The following DRC8 variants were observed in gnomAD, a reference collection of about 807,000 sequenced individuals.
The protein encoded by DRC8 is dynein regulatory complex protein 8.
chr1:245,109,818 T>C, the DRC8 span, among the ~76,000 whole-genome samples: 3 of 152,216 alleles, frequency 2.0e-5, no homozygotes, highest in Non-Finnish European at 4.4e-5. Context: ...CACTAACCAC[T>C]GGGCTGAACT....
the DRC8 span, among the ~76,000 whole-genome samples, chr1:245,000,102 A>C: frequency 7.9e-5 from 12 of 152,230 alleles, no homozygotes; most frequent in Non-Finnish European, 1.0e-4. Context: ...TACAGGCGTG[A>C]GCCACCACAC....
the DRC8 span, among the ~76,000 whole-genome samples, chr1:245,011,472 C>T: frequency 6.6e-6 from 1 of 152,236 alleles, no homozygotes; most frequent in East Asian, 1.9e-4. Flanking sequence ...ACAGCAAACA[C>T]CGGACTTTCA....
At chr1:245,055,423 G>A in the DRC8 span, among the ~76,000 whole-genome samples, 3 of 151,958 alleles carry the variant, frequency 2.0e-5, no homozygotes, top group Non-Finnish European at 2.9e-5. Context: ...CGGCTCAACC[G>A]ATCCTGCCAT....
chr1:245,006,650 A>G, the DRC8 span, among the ~76,000 whole-genome samples: 3 of 152,110 alleles, frequency 2.0e-5, no homozygotes, highest in African/African-American at 7.2e-5. Flanking sequence ...TTATAAGTAG[A>G]TGGCCGGGTG....
the DRC8 span, among the ~76,000 whole-genome samples, chr1:245,037,829 G>A: frequency 3.3e-5 from 5 of 151,886 alleles, no homozygotes; most frequent in African/African-American, 9.7e-5. Context: ...AATCAAGAGC[G>A]TTCACCTATA....
the DRC8 span, among the ~76,000 whole-genome samples, chr1:245,110,848 A>G: frequency 1.3e-5 from 2 of 152,208 alleles, no homozygotes; most frequent in Admixed American, 6.5e-5. Context: ...GGGCTTCTGC[A>G]TTGACACCAA....
At chr1:245,011,186 G>A in the DRC8 span, among the ~76,000 whole-genome samples, 5 of 152,100 alleles carry the variant, frequency 3.3e-5, no homozygotes, top group Non-Finnish European at 7.4e-5. Context: ...ATTTGTAGAT[G>A]AAACAAAGTT....
At chr1:244,992,510 G>A in the DRC8 span, among the ~76,000 whole-genome samples, 1 of 152,150 alleles carries the variant, frequency 6.6e-6, no homozygotes, top group African/African-American at 2.4e-5. Flanking sequence ...AGGCTCAGGC[G>A]GGCAGATTAC....
the DRC8 span, among the ~76,000 whole-genome samples, chr1:245,115,079 C>A: frequency 6.6e-6 from 1 of 151,896 alleles, no homozygotes; most frequent in Admixed American, 6.6e-5. Flanking sequence ...GAGACAGGGT[C>A]TCGCTCTGTC....
the DRC8 span, among the ~76,000 whole-genome samples, chr1:245,043,554 C>T: frequency 6.6e-6 from 1 of 151,992 alleles, no homozygotes; most frequent in Non-Finnish European, 1.5e-5. Context: ...GAGGAGTTAG[C>T]GTTTTTTTAA....
the DRC8 span, among the ~76,000 whole-genome samples, chr1:245,040,712 C>T: frequency 3.9e-5 from 6 of 152,192 alleles, no homozygotes; most frequent in East Asian, 3.9e-4. Flanking sequence ...GAGGTTGAGG[C>T]GGGAGGATCG....
the DRC8 span, among the ~76,000 whole-genome samples, chr1:244,995,088 C>T: frequency 1.3e-5 from 2 of 151,958 alleles, no homozygotes; most frequent in East Asian, 1.9e-4. Flanking sequence ...CTCGGCCGGG[C>T]GCGGTGGCTC....
At chr1:245,056,028 C>T in the DRC8 span, among the ~76,000 whole-genome samples, 21 of 152,274 alleles carry the variant, frequency 1.4e-4, no homozygotes, top group East Asian at 3.7e-3. Flanking sequence ...CCCAGCCTTC[C>T]TAGTAGCTGA....
the DRC8 span, among the ~76,000 whole-genome samples, chr1:245,074,863 G>A: frequency 6.6e-6 from 1 of 152,160 alleles, no homozygotes; most frequent in Admixed American, 6.5e-5. Flanking sequence ...TTGAAACATA[G>A]TTTATGTCAA....
the DRC8 span, among the ~76,000 whole-genome samples, chr1:245,107,462 T>C: frequency 1.3e-5 from 2 of 152,344 alleles, no homozygotes; most frequent in South Asian, 4.1e-4. Context: ...TCGCCTCTTA[T>C]TCAGCAGAGA....
At chr1:245,042,613 G>A in the DRC8 span, among the ~76,000 whole-genome samples, 15 of 152,326 alleles carry the variant, frequency 9.8e-5, no homozygotes, top group African/African-American at 3.6e-4. Context: ...TTTGTTAAAT[G>A]AATGAAAACA....
At chr1:245,009,689 G>T in the DRC8 span, among the ~76,000 whole-genome samples, 2 of 151,522 alleles carry the variant, frequency 1.3e-5, no homozygotes, top group African/African-American at 4.9e-5. Flanking sequence ...GGATGGTCTC[G>T]ATCTCCTGAC....
chr1:245,110,855 C>T, the DRC8 span, among the ~76,000 whole-genome samples: 3 of 152,190 alleles, frequency 2.0e-5, no homozygotes, highest in Non-Finnish European at 4.4e-5. Flanking sequence ...TGCATTGACA[C>T]CAACAGCCAG....
At chr1:244,999,871 G>T in the DRC8 span, among the ~76,000 whole-genome samples, 1 of 152,124 alleles carries the variant, frequency 6.6e-6, no homozygotes, top group East Asian at 1.9e-4. Flanking sequence ...GAGTGCAGTG[G>T]TGCAATCTTG....
Sources: allele counts gnomAD v4.1 joint callset (sites outside exome capture counted in the v4.1 genomes callset), GRCh38; gene constraint gnomAD v4.1.1; transcripts MANE v1.5; gene names NCBI Gene and HGNC (gene_info 2026-07-23, HGNC 2026-07-21).